The following ADAM12 variants were observed in gnomAD, a reference collection of about 807,000 sequenced individuals.
ADAM12 encodes ADAM metallopeptidase domain 12.
Under a neutral mutation model 106.4 loss-of-function variants are expected in ADAM12, and 70 were observed. The observed-to-expected ratio is 0.66, with a 90% confidence interval of 0.54 to 0.80. The LOEUF (loss-of-function observed/expected upper bound fraction) is 0.80. Ranked by LOEUF, ADAM12 falls within the 30% of genes least tolerant of loss-of-function variation. The probability of loss-of-function intolerance (pLI) is 0.00; values close to 1 mark genes in which losing one functional copy is unlikely to be tolerated. For missense variants in ADAM12, 1,010 were observed against 1,171.9 expected (o/e 0.86, Z 2.02); for synonymous variants, 420 against 433.5 (o/e 0.97, Z 0.39).
At chr10:126,365,402 T>C (rs1044054964) in intron 1 of ADAM12, among the ~76,000 whole-genome samples, 4 of 152,286 alleles carry the variant, frequency 2.6e-5, no homozygotes, top group African/African-American at 9.6e-5. Context: ...TAGCTAGGAA[T>C]GAAGAAGCTT....
At chr10:126,277,317 C>T (rs1298029827) in intron 3 of ADAM12, among the ~76,000 whole-genome samples, 2 of 152,156 alleles carry the variant, frequency 1.3e-5, no homozygotes, top group South Asian at 2.1e-4. Context: ...TACCTGCAGT[C>T]GTAATGCTCC....
intron 5 of ADAM12, 26 bp downstream of exon 5, chr10:126,135,558 G>C (rs781678409): frequency 6.2e-7 from 1 of 1,607,360 alleles, no homozygotes; most frequent in Non-Finnish European, 8.5e-7. Flanking sequence ...CTGAAGACTA[G>C]AGCCGCCATG....
chr10:126,252,723 AAC>A (rs1958811854), intron 3 of ADAM12, among the ~76,000 whole-genome samples: 1 of 151,646 alleles, frequency 6.6e-6, no homozygotes, highest in Non-Finnish European at 1.5e-5. Flanking sequence ...CTCTTCCAGA[AAC>A]ACCCTCCTCA....
chr10:126,054,237 G>A (rs1954577710), intron 14 of ADAM12, among the ~76,000 whole-genome samples: 1 of 152,188 alleles, frequency 6.6e-6, no homozygotes, highest in Non-Finnish European at 1.5e-5. Flanking sequence ...TTATGAAAGT[G>A]AACCCTTAAA....
Position 126,184,849 on chromosome 10 carries a change from C to T in ADAM12, c.261-29544G>A, listed in dbSNP as rs149719921. Among the ~76,000 whole-genome samples the T allele has an allele frequency of 8.5e-4, 129 of 152,232 alleles. 1 individual carries two copies. Among genetic ancestry groups the T allele is most frequent in the Non-Finnish European group, 1.4e-3 (96 of 68,024 alleles). ...CAAGTGTACAACAAGGGTACGAGGA[C>T]GTCACGAGCCCTGCCTTATTTCTTC... is the stretch of plus-strand genomic sequence containing the variant. On this transcript the variant is annotated intron_variant, in intron 3 of 22. Transcript: ENST00000448723.
chr10:126,303,064 G>A (rs535116474), intron 2 of ADAM12, among the ~76,000 whole-genome samples: 1 of 152,304 alleles, frequency 6.6e-6, no homozygotes, highest in East Asian at 1.9e-4. Flanking sequence ...GAAAATAAGG[G>A]AGACAGGACT....
Position 126,039,302 on chromosome 10 carries a change from T to G in ADAM12, c.2232A>C (p.Glu744Asp), listed in dbSNP as rs1480878439. Residue 744 changes from glutamate to aspartate, a missense_variant, in exon 19 of 23, where the codon GAA becomes GAC. By Grantham distance (45) the Glu-to-Asp change is conservative (BLOSUM62 2). Around this residue, in one of 3 missense-constraint regions of ADAM12, gnomAD observed 615 missense variants for 708.5 expected, o/e 0.87. Transcript: ENST00000448723. ...AGCTAAACCCAGGGTACCTTAGTTT[T>G]TCAATGGTGGTCTTCTTATTTGTAA... ...LLFTNKKTTI[E>D]KLRCVRPSRP... is the part of the protein sequence containing the mutation. The G allele has an allele frequency of 6.2e-7, 1 of 1,613,894 alleles. No individual in the cohort carries two copies. Among genetic ancestry groups the G allele is most frequent in the East Asian group, 2.2e-5 (1 of 44,868 alleles).
chr10:126,335,385 G>A (rs1854664168), intron 1 of ADAM12, among the ~76,000 whole-genome samples: 1 of 152,152 alleles, frequency 6.6e-6, no homozygotes, highest in African/African-American at 2.4e-5. Context: ...ACATCCTTTT[G>A]AAAAATCTAA....
intron 3 of ADAM12, among the ~76,000 whole-genome samples, chr10:126,199,836 A>G (rs1957665595): frequency 6.6e-6 from 1 of 152,212 alleles, no homozygotes; most frequent in Non-Finnish European, 1.5e-5. Context: ...CATGACCTTG[A>G]GAAAGGCATT....
At chr10:126,196,591 A>G (rs1957600903) in intron 3 of ADAM12, among the ~76,000 whole-genome samples, 1 of 152,222 alleles carries the variant, frequency 6.6e-6, no homozygotes, top group Admixed American at 6.5e-5. Context: ...TATGTCGCTG[A>G]GTCATGTTGG....
intron 3 of ADAM12, among the ~76,000 whole-genome samples, chr10:126,258,863 C>T (rs569550549): frequency 2.0e-4 from 31 of 152,312 alleles, no homozygotes; most frequent in Middle Eastern, 3.4e-3. Flanking sequence ...GTGCACGTAA[C>T]AGCATAATCC....
At chr10:126,157,170 A>G (rs1956835023) in intron 3 of ADAM12, among the ~76,000 whole-genome samples, 1 of 152,188 alleles carries the variant, frequency 6.6e-6, no homozygotes. Context: ...GGCTCTGAGA[A>G]TGTGGCCACC....
Position 126,026,569 on chromosome 10 carries a change from G to T in ADAM12, c.2530-6744C>A, listed in dbSNP as rs556895939. 2.6e-5 allele frequency among the ~76,000 whole-genome samples: 4 copies of T among 152,226 alleles called. No homozygotes were observed. The South Asian group carries it at 8.3e-4, about 32-fold the overall frequency. ...ATGCAAAAGAACTGAAATCATAACA[G>T]TCTGTCAAACCACAGCGTAATCAAA... is the stretch of plus-strand genomic sequence containing the variant. On this transcript the variant is annotated intron_variant, in intron 21 of 22. Transcript: ENST00000448723.
intron 14 of ADAM12, among the ~76,000 whole-genome samples, chr10:126,063,499 CA>C (rs1267055171): frequency 6.6e-6 from 1 of 152,216 alleles, no homozygotes; most frequent in Non-Finnish European, 1.5e-5. Context: ...AGCCTCACAA[CA>C]AAAGTCTGAC....
chr10:126,305,244 A>C (rs192863932), intron 2 of ADAM12, among the ~76,000 whole-genome samples: 57 of 152,230 alleles, frequency 3.7e-4, no homozygotes, highest in African/African-American at 1.2e-3. Flanking sequence ...ATGTATGAGC[A>C]AACTGCAGAA....
chr10:126,327,013 A>C (rs2133845176), intron 2 of ADAM12, among the ~76,000 whole-genome samples: 1 of 152,332 alleles, frequency 6.6e-6, no homozygotes, highest in South Asian at 2.1e-4. Context: ...AAGTGCTTTG[A>C]GACAAAGCAC....
At chr10:126,280,172 G>T (rs1269639496) in intron 2 of ADAM12, among the ~76,000 whole-genome samples, 3 of 152,054 alleles carry the variant, frequency 2.0e-5, no homozygotes, top group Admixed American at 1.3e-4. Context: ...ATTAGTTAAA[G>T]TAAAACAGAA....
intron 3 of ADAM12, among the ~76,000 whole-genome samples, chr10:126,217,021 TCC>T (rs1479434342): frequency 6.6e-6 from 1 of 152,212 alleles, no homozygotes; most frequent in African/African-American, 2.4e-5. Flanking sequence ...TGCTCATCTT[TCC>T]AACTCTGAGC....
chr10:126,257,833 G>A (rs1470966078), intron 3 of ADAM12, among the ~76,000 whole-genome samples: 4 of 152,170 alleles, frequency 2.6e-5, no homozygotes, highest in Non-Finnish European at 4.4e-5. Context: ...GCTCAGCAGC[G>A]CAAATGACTC....
Sources: allele counts gnomAD v4.1 joint callset (sites outside exome capture counted in the v4.1 genomes callset), GRCh38; gene constraint gnomAD v4.1.1; regional missense constraint gnomAD v4.1.1; transcripts MANE v1.5; gene names NCBI Gene and HGNC (gene_info 2026-07-23, HGNC 2026-07-21).